Variants in ANKRD26 observed in about 807,000 individuals in gnomAD.
The protein encoded by ANKRD26 is ankyrin repeat domain 26, also known as ankyrin repeat domain-containing protein 26.
In ANKRD26, 141 loss-of-function variants were observed where a neutral mutation model predicts 208.7. That is an observed-to-expected ratio of 0.68 (90% CI 0.59 to 0.78). ANKRD26 has a LOEUF of 0.78. Among genes scored for constraint, ANKRD26 ranks in the 30% least tolerant of loss-of-function variants. ANKRD26 has a pLI of 0.00. For missense variants in ANKRD26, 1,889 were observed against 1,938.7 expected (o/e 0.97, Z 0.48); for synonymous variants, 636 against 660.4 (o/e 0.96, Z 0.57).
At chr10:26,997,149 G>A (rs1166521334) in intron 4 of ANKRD26, among the ~76,000 whole-genome samples, 1 of 152,118 alleles carries the variant, frequency 6.6e-6, no homozygotes, top group Non-Finnish European at 1.5e-5. Flanking sequence ...GGAACATGTG[G>A]GACAGACTGA....
intron 18 of ANKRD26, chr10:27,046,106 T>G: frequency 2.3e-6 from 1 of 442,512 alleles, no homozygotes; most frequent in Non-Finnish European, 4.1e-6. Flanking sequence ...TTACCACCCA[T>G]TTACCTATTG....
chr10:27,053,392 T>C lies in ANKRD26; in HGVS notation c.1565-2A>G. 1 of 1,608,498 alleles carries C rather than the reference T, an allele frequency of 6.2e-7. No homozygotes were observed. The highest frequency in any genetic ancestry group is 8.5e-7 in the Non-Finnish European group (1 of 1,176,548). The stretch of plus-strand genomic sequence containing the variant: ...ATGCTACTTCTAAGTCATGTTCAGC[T>C]GAAAAAATCCAAATATTTAGTTTAA... On this transcript the variant is annotated splice_acceptor_variant, in intron 15 of 33. Coordinates refer to ENST00000376087, the MANE Select transcript of ANKRD26 (RefSeq NM_014915.3). LOFTEE classifies it high-confidence loss of function.
chr10:27,083,524 G>A (rs979230082), intron 5 of ANKRD26, among the ~76,000 whole-genome samples: 1 of 151,920 alleles, frequency 6.6e-6, no homozygotes, highest in Non-Finnish European at 1.5e-5. Context: ...AGGAGTTTGA[G>A]ACCAGCCTGG....
At chr10:26,978,721 G>A (rs188355901) in intron 5 of ANKRD26, among the ~76,000 whole-genome samples, 12 of 152,260 alleles carry the variant, frequency 7.9e-5, no homozygotes, top group Admixed American at 1.3e-4. Context: ...GCATGTATGC[G>A]CAAGCCACAT....
At chr10:26,991,912 A>C (rs1322812854), downstream of ANKRD26, 1 of 152,224 alleles carries the variant, frequency 6.6e-6, no homozygotes, top group Non-Finnish European at 1.5e-5. Flanking sequence ...TTAACAAAAA[A>C]TGACATAGAC....
chr10:27,009,805 G>A (rs1463066500), intron 32 of ANKRD26, among the ~76,000 whole-genome samples: 1 of 152,040 alleles, frequency 6.6e-6, no homozygotes, highest in East Asian at 1.9e-4. Flanking sequence ...TCCAGGTGGG[G>A]GTTATGCTTC....
the ANKRD26 span, among the ~76,000 whole-genome samples, chr10:26,967,199 T>G: frequency 1.3e-5 from 2 of 152,196 alleles, no homozygotes; most frequent in African/African-American, 4.8e-5. Context: ...TGCAAAATGC[T>G]TTCGTAGACA....
At chr10:27,067,329 A>C (rs1325954315) in intron 9 of ANKRD26, 43 bp from the exon 10 acceptor site, 4 of 1,598,796 alleles carry the variant, frequency 2.5e-6, no homozygotes, top group African/African-American at 1.3e-5. Flanking sequence ...TTCAGAAAAC[A>C]CTGTATTTAT....
Position 27,035,196 on chromosome 10 carries a change from T to A in ANKRD26, c.3254A>T (p.Asp1085Val). 1.2e-6 allele frequency: 2 copies of A among 1,614,088 alleles called. No homozygotes were observed. Among genetic ancestry groups the A allele is most frequent in the Non-Finnish European group, 1.7e-6 (2 of 1,179,952 alleles). Residue 1085 changes from aspartate (D) to valine (V), a missense_variant, in exon 24 of 34, where the codon GAT becomes GTT. By Grantham distance (152) the Asp-to-Val change is radical. Transcript: ENST00000376087. ...ACCCAAAGTCTTTTCTCTGAGGGCATCTCTCGTGTGATGGAACTCAATTTC... is the reference window on the plus strand; with the variant it reads ...ACCCAAAGTCTTTTCTCTGAGGGCAACTCTCGTGTGATGGAACTCAATTTC... ...SLEIEFHHTR[D>V]ALREKTLGLE...
intron 4 of ANKRD26, among the ~76,000 whole-genome samples, chr10:26,996,350 A>C (rs971947725): frequency 2.0e-5 from 3 of 152,210 alleles, no homozygotes; most frequent in African/African-American, 7.2e-5. Flanking sequence ...TCACAAGGTC[A>C]GGAGATCAAG....
chr10:27,031,371 A>G (rs914462916), intron 25 of ANKRD26, among the ~76,000 whole-genome samples: 1 of 152,234 alleles, frequency 6.6e-6, no homozygotes. Context: ...GAAATGAAGT[A>G]CTGATATGTG....
intron 4 of ANKRD26, among the ~76,000 whole-genome samples, chr10:26,995,709 C>G (rs1181822089): frequency 6.6e-6 from 1 of 152,148 alleles, no homozygotes; most frequent in East Asian, 1.9e-4. Context: ...AATATGCCCC[C>G]AAATATTTGA....
intron 6 of ANKRD26, among the ~76,000 whole-genome samples, chr10:27,079,683 G>A (rs1359628101): frequency 2.6e-5 from 4 of 151,924 alleles, no homozygotes; most frequent in African/African-American, 9.7e-5. Flanking sequence ...GCGAAACCCT[G>A]TCTCTACTAA....
chr10:26,959,146 G>A, the ANKRD26 span, among the ~76,000 whole-genome samples: 4 of 152,002 alleles, frequency 2.6e-5, no homozygotes, highest in East Asian at 7.7e-4. Context: ...AGGTGTGGTG[G>A]CAGGCACCTA....
chr10:26,990,310 G>A (rs2052463154), downstream of ANKRD26, among the ~76,000 whole-genome samples: 1 of 152,160 alleles, frequency 6.6e-6, no homozygotes, highest in Non-Finnish European at 1.5e-5. Context: ...GGGGGCTTTG[G>A]CGAACTTAGA....
At chr10:27,015,678 A>G (rs2053265370) in intron 30 of ANKRD26, among the ~76,000 whole-genome samples, 1 of 152,100 alleles carries the variant, frequency 6.6e-6, no homozygotes, top group Admixed American at 6.5e-5. Context: ...GCTGAGAATG[A>G]GGAGTGAAGA....
At position 27,100,227 on chromosome 10, in the gene ANKRD26, C is replaced by G; in HGVS notation, c.100G>C (p.Ala34Pro). The G allele has an allele frequency of 1.9e-6, 3 of 1,612,570 alleles. No homozygotes were observed. Among genetic ancestry groups the G allele is most frequent in the Non-Finnish European group, 2.5e-6 (3 of 1,179,822 alleles). The change falls in exon 1 of 34, where the codon GCC becomes CCC. Residue 34 changes from alanine to proline, a missense_variant. Physicochemically the swap from Ala to Pro is conservative, Grantham distance 27 (BLOSUM62 -1). Transcript: ENST00000376087. ...AGGGGEPGEG[A>P]YSQPGYHVRD... ...ACGTGGTAGCCGGGCTGCGAGTAGG[C>G]GCCCTCCCCCGGCTCGCCCCCGCCT...
intron 15 of ANKRD26, among the ~76,000 whole-genome samples, chr10:27,055,110 G>A (rs1321073651): frequency 2.6e-5 from 4 of 152,152 alleles, no homozygotes; most frequent in African/African-American, 9.7e-5. Context: ...AATACAGAGT[G>A]AATTTTTATT....
intron 12 of ANKRD26, among the ~76,000 whole-genome samples, chr10:27,061,699 C>G (rs1056204812): frequency 8.6e-5 from 13 of 151,726 alleles, no homozygotes; most frequent in African/African-American, 3.1e-4. Flanking sequence ...CCTGAACAGC[C>G]GAACTACAGG....
Sources: gnomAD v4.1 joint callset for allele counts (sites outside exome capture counted in the v4.1 genomes callset) on GRCh38, gnomAD v4.1.1 for gene constraint, MANE v1.5 for transcripts, NCBI Gene and HGNC (gene_info 2026-07-23, HGNC 2026-07-21) for gene names.